The following EZH2 variants were observed in gnomAD, a reference collection of about 807,000 sequenced individuals.
The protein encoded by EZH2 is histone-lysine N-methyltransferase EZH2.
Under a neutral mutation model 98.4 loss-of-function variants are expected in EZH2, and 18 were observed. That is an observed-to-expected ratio of 0.18 (90% confidence interval 0.13 to 0.27). EZH2 has a LOEUF of 0.27. Among genes scored for constraint, EZH2 ranks in the 10% least tolerant of loss-of-function variants. The pLI is 1.00. For synonymous variants in EZH2, 338 were observed against 312.3 expected (o/e 1.08, Z -0.87); for missense variants, 470 against 935.1 (o/e 0.50, Z 6.49).
chr7:148,876,271 A>T (rs950324927), intron 1 of EZH2: 3 of 151,216 alleles, frequency 2.0e-5, no homozygotes, highest in Non-Finnish European at 4.4e-5. Flanking sequence ...TGGGTGACAG[A>T]GCAAGACTCC....
chr7:148,846,942 A>G (rs919511033), intron 2 of EZH2, among the ~76,000 whole-genome samples: 4 of 151,104 alleles, frequency 2.6e-5, no homozygotes, highest in African/African-American at 7.3e-5. Flanking sequence ...GCATCCCTTT[A>G]TATTTAGGGA....
At chr7:148,872,802 T>C (rs1358688857) in intron 1 of EZH2, among the ~76,000 whole-genome samples, 2 of 152,224 alleles carry the variant, frequency 1.3e-5, no homozygotes, top group Non-Finnish European at 2.9e-5. Context: ...GAGACTAAAA[T>C]AGATAAAGCA....
rs185804206 is a variant in EZH2, at chr7:148,809,608, A to T, written c.2030-218T>A. ...ACCTATAATTCAAGATGGTTATCTG[A>T]CTCAAAAGCTATTAATTATCAACTA... On this transcript the variant is annotated intron_variant, in intron 17 of 19. Transcript: ENST00000320356. Among the ~76,000 whole-genome samples the T allele has an allele frequency of 2.0e-3, 297 of 152,060 alleles. 3 individuals are homozygous for T. The highest frequency in any genetic ancestry group is 0.018 in the South Asian group (89 of 4,814).
At chr7:148,871,849 C>G (rs1257526783) in intron 1 of EZH2, among the ~76,000 whole-genome samples, 7 of 152,128 alleles carry the variant, frequency 4.6e-5, no homozygotes, top group Admixed American at 4.6e-4. Context: ...GCTGGGATTA[C>G]AGGCATCAGC....
chr7:148,839,750 T>C (rs188752421), intron 3 of EZH2, among the ~76,000 whole-genome samples: 42 of 152,198 alleles, frequency 2.8e-4, no homozygotes, highest in Admixed American at 7.2e-4. Flanking sequence ...TTTCACCATG[T>C]TGGTCAGGGT....
chr7:148,809,034 G>T (rs1203440349), intron 19 of EZH2, 37 bp downstream of exon 19: 4 of 1,538,194 alleles, frequency 2.6e-6, no homozygotes, highest in Non-Finnish European at 3.6e-6. Flanking sequence ...AGTAGAAAAA[G>T]CCCTTAGAGA....
At chr7:148,850,508 A>G in intron 1 of EZH2, 2 of 848,880 alleles carry the variant, frequency 2.4e-6, no homozygotes, top group Non-Finnish European at 2.8e-6. Flanking sequence ...TTGAAAGTGT[A>G]AGACTAAATA....
intron 10 of EZH2, chr7:148,817,618 C>G: frequency 1.5e-6 from 1 of 664,014 alleles, no homozygotes; most frequent in Non-Finnish European, 2.5e-6. Flanking sequence ...TGAGAAAGAT[C>G]GAAAAAAGAA....
chr7:148,876,489 A>T (rs932798121), intron 1 of EZH2, among the ~76,000 whole-genome samples: 5 of 152,212 alleles, frequency 3.3e-5, no homozygotes, highest in African/African-American at 1.2e-4. Context: ...TTAACTAAAA[A>T]TTAATATAAC....
At chr7:148,830,684 T>C (rs1809124579) in intron 4 of EZH2, among the ~76,000 whole-genome samples, 2 of 152,258 alleles carry the variant, frequency 1.3e-5, no homozygotes, top group South Asian at 4.1e-4. Context: ...CTAGTAAAGA[T>C]GATAGATGAG....
intron 14 of EZH2, 26 bp downstream of exon 14, chr7:148,814,888 A>G (rs753196265): frequency 6.2e-7 from 1 of 1,607,352 alleles, no homozygotes. Context: ...TTCTCATGCA[A>G]TTGCATCAAA....
At chr7:148,840,901 T>C (rs939457283) in intron 3 of EZH2, among the ~76,000 whole-genome samples, 4 of 152,212 alleles carry the variant, frequency 2.6e-5, no homozygotes, top group African/African-American at 4.8e-5. Context: ...TTGGATTTGT[T>C]GTTTTATTTT....
In EZH2 at chr7:148,807,530, T is replaced by C; in HGVS notation, c.*116A>G. 3 of 826,000 alleles carry C rather than the reference T, an allele frequency of 3.6e-6. No homozygotes were observed. In the South Asian group the frequency reaches 4.6e-5, roughly 13 times the overall value. The allele number at this position is 826,000 out of a possible 1,614,324, so 51.2% of individuals were successfully genotyped here. A position where few individuals can be genotyped will look rare whatever the true frequency, so the allele number is the denominator to read the frequency against. On this transcript the variant is annotated 3_prime_UTR_variant, in exon 20 of 20. Transcript: ENST00000320356. ...TCATTACTATAAATTATTCTTACAG[T>C]ACTTTGCAAATTCAGAATTTCAAAC...
chr7:148,860,171 A>C (rs773374992), intron 1 of EZH2, among the ~76,000 whole-genome samples: 1 of 152,184 alleles, frequency 6.6e-6, no homozygotes, highest in Admixed American at 6.6e-5. Context: ...TAAGGAACTT[A>C]TATGAAATCA....
At chr7:148,816,867 G>C in intron 11 of EZH2, 89 bp from the exon 12 acceptor site, 1 of 926,780 alleles carries the variant, frequency 1.1e-6, no homozygotes, top group African/African-American at 1.6e-5. Flanking sequence ...AAATGTCTTT[G>C]TCTCTTCTGT....
chr7:148,862,585 CTT>C (rs1817842051), intron 1 of EZH2, among the ~76,000 whole-genome samples: 1 of 152,140 alleles, frequency 6.6e-6, no homozygotes, highest in Admixed American at 6.5e-5. Context: ...GTCAGACCCT[CTT>C]TTAAGTAAAA....
At chr7:148,823,807 C>T (rs1470657695) in intron 8 of EZH2, among the ~76,000 whole-genome samples, 8 of 152,050 alleles carry the variant, frequency 5.3e-5, no homozygotes, top group South Asian at 2.1e-4. Context: ...TGAGCCACCG[C>T]GCCCAGCACA....
intron 1 of EZH2, among the ~76,000 whole-genome samples, chr7:148,871,664 T>A (rs1166519349): frequency 6.6e-6 from 1 of 150,506 alleles, no homozygotes; most frequent in African/African-American, 2.4e-5. Flanking sequence ...AGCCTCGACC[T>A]CCCAGGCTCA....
chr7:148,810,265 A>G, intron 17 of EZH2, 68 bp downstream of exon 17: 1 of 1,209,906 alleles, frequency 8.3e-7, no homozygotes, highest in Non-Finnish European at 1.2e-6. Flanking sequence ...TCGTTTCTGA[A>G]CACTCGGCCG....
Sources: gnomAD v4.1 joint callset for allele counts (sites outside exome capture counted in the v4.1 genomes callset) on GRCh38, gnomAD v4.1.1 for gene constraint, MANE v1.5 for transcripts, NCBI Gene and HGNC (gene_info 2026-07-23, HGNC 2026-07-21) for gene names.